The following COL23A1 variants were observed in gnomAD, a reference collection of about 807,000 sequenced individuals.
COL23A1 encodes the protein collagen type XXIII alpha 1 chain.
COL23A1 carries 97 observed loss-of-function variants against 99.3 expected under a neutral mutation model. That is an observed-to-expected ratio of 0.98 (90% CI 0.83 to 1.16). COL23A1 has a LOEUF of 1.16. Ranked by LOEUF, COL23A1 falls within the 50% of genes most tolerant of loss-of-function variation. The pLI, the probability that COL23A1 is intolerant of heterozygous loss-of-function variation, is 0.00. For synonymous variants in COL23A1, 320 were observed against 308.2 expected (o/e 1.04, Z -0.40); for missense variants, 762 against 757.4 (o/e 1.01, Z -0.07).
At chr5:178,517,873 C>CTTTTTTTTTTTTTTTTTT (rs71577021) in intron 2 of COL23A1, among the ~76,000 whole-genome samples, 11 of 97,734 alleles carry the variant, frequency 1.1e-4, no homozygotes, top group African/African-American at 2.9e-4. Context: ...AACAGCGGTT[C>CTTTTTTTTTTTTTTTTTT]TTTTTTTTTT....
intron 17 of COL23A1, among the ~76,000 whole-genome samples, chr5:178,251,921 T>A (rs1413443318): frequency 1.4e-5 from 2 of 138,072 alleles, no homozygotes; most frequent in African/African-American, 5.0e-5. Context: ...TTTTTTTTTT[T>A]TTTTATTTTG....
At chr5:178,486,408 T>C (rs1222909161) in intron 2 of COL23A1, among the ~76,000 whole-genome samples, 1 of 151,904 alleles carries the variant, frequency 6.6e-6, no homozygotes, top group Non-Finnish European at 1.5e-5. Context: ...TACCCGAGGG[T>C]GAACCGTGAT....
intron 3 of COL23A1, 69 bp from the exon 4 acceptor site, chr5:178,290,438 G>C: frequency 3.1e-6 from 5 of 1,605,726 alleles, no homozygotes; most frequent in Non-Finnish European, 4.3e-6. Context: ...TCCTCAGCAC[G>C]GTCCCCTCAC....
intron 2 of COL23A1, among the ~76,000 whole-genome samples, chr5:178,431,557 T>A (rs1766267090): frequency 1.3e-5 from 2 of 152,182 alleles, no homozygotes; most frequent in African/African-American, 4.8e-5. Flanking sequence ...GAAGATCAGA[T>A]ACAGAAGAGA....
intron 2 of COL23A1, among the ~76,000 whole-genome samples, chr5:178,453,373 A>G (rs1295189869): frequency 6.6e-6 from 1 of 152,136 alleles, no homozygotes; most frequent in Non-Finnish European, 1.5e-5. Flanking sequence ...TAGAAGAAAG[A>G]GCATGATGGA....
At chr5:178,350,776 G>A (rs2127677695) in intron 2 of COL23A1, 2 of 152,536 alleles carry the variant, frequency 1.3e-5, no homozygotes, top group African/African-American at 4.8e-5. Flanking sequence ...CTACTCCCCT[G>A]GCCTTGACTG....
intron 2 of COL23A1, among the ~76,000 whole-genome samples, chr5:178,545,577 G>T (rs1433835596): frequency 6.6e-6 from 1 of 152,180 alleles, no homozygotes; most frequent in East Asian, 1.9e-4. Context: ...CTACAGGGCA[G>T]CAAAAGGAAC....
At chr5:178,558,633 G>A (rs750437754) in intron 2 of COL23A1, among the ~76,000 whole-genome samples, 6 of 152,164 alleles carry the variant, frequency 3.9e-5, no homozygotes, top group Admixed American at 6.5e-5. Context: ...CAAATGGGGC[G>A]TGACTCCCAG....
Position 178,266,638 on chromosome 5 carries a change from G to A in COL23A1, c.522+669C>T, listed in dbSNP as rs1755920086. Among the ~76,000 whole-genome samples, 3 of 152,298 alleles carry A rather than the reference G, an allele frequency of 2.0e-5. No individual in the cohort carries two copies. In the South Asian group the frequency reaches 6.2e-4, roughly 32 times the overall value. ...CATGAGCGCCCTTTCTTTGACTGCA[G>A]AACAATCTCACCAGCTTTATGTGGC... is the stretch of plus-strand genomic sequence containing the variant. On this transcript the variant is annotated intron_variant, in intron 8 of 28. Coordinates refer to ENST00000390654, the MANE Select transcript of COL23A1 (RefSeq NM_173465.4).
chr5:178,242,678 C>T (rs771211332), intron 25 of COL23A1, among the ~76,000 whole-genome samples: 3 of 152,222 alleles, frequency 2.0e-5, no homozygotes, highest in East Asian at 1.9e-4. Context: ...ACATCACAGA[C>T]GCGGCTGGCA....
intron 2 of COL23A1, among the ~76,000 whole-genome samples, chr5:178,447,728 A>G (rs1767242460): frequency 6.6e-6 from 1 of 152,234 alleles, no homozygotes; most frequent in Non-Finnish European, 1.5e-5. Context: ...ACATGTGACC[A>G]TATCTGGAAG....
intron 2 of COL23A1, among the ~76,000 whole-genome samples, chr5:178,433,612 G>C (rs1281678403): frequency 1.3e-5 from 2 of 152,162 alleles, no homozygotes; most frequent in Non-Finnish European, 2.9e-5. Context: ...CAGCTCTCCA[G>C]GGGCCCTGAG....
At chr5:178,362,290 G>A (rs540297962) in intron 2 of COL23A1, among the ~76,000 whole-genome samples, 34 of 152,218 alleles carry the variant, frequency 2.2e-4, no homozygotes, top group South Asian at 8.3e-4. Context: ...CTGTGGGTCC[G>A]AATAGCGGCT....
chr5:178,350,266 G>T (rs574994018), intron 2 of COL23A1, among the ~76,000 whole-genome samples: 3 of 152,320 alleles, frequency 2.0e-5, no homozygotes, highest in South Asian at 2.1e-4. Context: ...GCTCTGAAGC[G>T]TGCTTCTATT....
At chr5:178,472,300 G>A (rs1027817454) in intron 2 of COL23A1, among the ~76,000 whole-genome samples, 1 of 152,186 alleles carries the variant, frequency 6.6e-6, no homozygotes, top group Non-Finnish European at 1.5e-5. Flanking sequence ...CCAATGGGGA[G>A]CCACAGTCTA....
chr5:178,463,811 G>T (rs1581436784), intron 2 of COL23A1, among the ~76,000 whole-genome samples: 1 of 152,200 alleles, frequency 6.6e-6, no homozygotes, highest in Admixed American at 6.5e-5. Context: ...TCCCTTTGTG[G>T]CTGCGGACAC....
At chr5:178,486,485 G>A (rs753848704) in intron 2 of COL23A1, among the ~76,000 whole-genome samples, 13 of 152,160 alleles carry the variant, frequency 8.5e-5, no homozygotes, top group Admixed American at 7.9e-4. Flanking sequence ...AGACACGGCC[G>A]TTAGCAAAAA....
chr5:178,534,524 T>C lies in COL23A1; in HGVS notation c.361+26158A>G, dbSNP rs1760826215. ...GGCCAGGGCGGTGGCTCACACCTGT[T>C]AATCCCAGCAATTTGGGAGGCCAAG... is the stretch of plus-strand genomic sequence containing the variant. On this transcript the variant is annotated intron_variant, in intron 2 of 28. Coordinates refer to ENST00000390654, the MANE Select transcript of COL23A1 (RefSeq NM_173465.4). Among the ~76,000 whole-genome samples, 7 of 43,720 alleles carry C rather than the reference T, an allele frequency of 1.6e-4. No individual in the cohort carries two copies. The South Asian group carries it at 2.9e-3, about 18-fold the overall frequency. 28.7% of individuals were successfully genotyped at this position (43,720 alleles called of 152,430 possible).
At chr5:178,273,670 G>T (rs1294349721) in intron 5 of COL23A1, among the ~76,000 whole-genome samples, 2 of 152,206 alleles carry the variant, frequency 1.3e-5, no homozygotes, top group African/African-American at 4.8e-5. Context: ...ACGGGGCTGG[G>T]CCAGCCCCTG....
Sources: gnomAD v4.1 joint callset for allele counts (sites outside exome capture counted in the v4.1 genomes callset) on GRCh38, gnomAD v4.1.1 for gene constraint, MANE v1.5 for transcripts, NCBI Gene and HGNC (gene_info 2026-07-23, HGNC 2026-07-21) for gene names.